Variants in FBXL7 observed in about 807,000 individuals in gnomAD.
The protein encoded by FBXL7 is F-box/LRR-repeat protein 7.
A neutral mutation model predicts 38.3 loss-of-function variants in FBXL7; 12 were observed. That is an observed-to-expected ratio of 0.31 (90% CI 0.20 to 0.51). The LOEUF is 0.51. Among genes scored for constraint, FBXL7 ranks in the 20% least tolerant of loss-of-function variants. The probability of loss-of-function intolerance (pLI) is 0.98; values close to 1 mark genes in which losing one functional copy is unlikely to be tolerated. For missense variants in FBXL7, 567 were observed against 676.4 expected, an observed-to-expected ratio of 0.84 and a Z score of 1.79; for synonymous variants, 297 against 300.9, an observed-to-expected ratio of 0.99 and a Z score of 0.13.
chr5:15,574,450 T>C (rs1219613273), intron 1 of FBXL7, among the ~76,000 whole-genome samples: 1 of 152,214 alleles, frequency 6.6e-6, no homozygotes, highest in Admixed American at 6.5e-5. Context: ...CTTCATTATT[T>C]TATGTAGAAA....
chr5:15,517,392 G>T (rs1254016073), intron 1 of FBXL7, among the ~76,000 whole-genome samples: 5 of 152,206 alleles, frequency 3.3e-5, no homozygotes, highest in Non-Finnish European at 5.9e-5. Context: ...TGGCCGTGGT[G>T]AGCTTTGGCT....
chr5:15,791,462 A>G (rs1737275002), intron 2 of FBXL7, among the ~76,000 whole-genome samples: 1 of 152,218 alleles, frequency 6.6e-6, no homozygotes, highest in South Asian at 2.1e-4. Context: ...GAAATATTAC[A>G]TATTTCATGC....
intron 2 of FBXL7, among the ~76,000 whole-genome samples, chr5:15,801,115 C>A (rs1737553651): frequency 6.6e-6 from 1 of 152,148 alleles, no homozygotes; most frequent in South Asian, 2.1e-4. Context: ...TTAGGCCTGC[C>A]TGTGTGATCA....
chr5:15,722,845 C>A (rs541761646), intron 2 of FBXL7, among the ~76,000 whole-genome samples: 1 of 151,568 alleles, frequency 6.6e-6, no homozygotes, highest in East Asian at 1.9e-4. Context: ...ATCACTTGAA[C>A]CCGGGAAGCG....
chr5:15,649,717 A>G (rs1741644759), intron 2 of FBXL7, among the ~76,000 whole-genome samples: 1 of 148,134 alleles, frequency 6.8e-6, no homozygotes, highest in Non-Finnish European at 1.5e-5. Flanking sequence ...TTTGTACCTC[A>G]CTATGTCACC....
chr5:15,636,830 A>G (rs1167051277), intron 2 of FBXL7, among the ~76,000 whole-genome samples: 1 of 152,194 alleles, frequency 6.6e-6, no homozygotes, highest in Non-Finnish European at 1.5e-5. Context: ...TTCAGAAGTA[A>G]CAGATCTAAT....
chr5:15,937,890 C>G lies in FBXL7; in HGVS notation c.*704C>G, dbSNP rs763311523. 1 of 152,414 alleles carries G rather than the reference C, an allele frequency of 6.6e-6. No homozygotes were observed. The highest frequency in any genetic ancestry group is 2.4e-5 in the African/African-American group (1 of 41,446). 9.4% of individuals were successfully genotyped at this position (152,414 alleles called of 1,614,324 possible). A position where few individuals can be genotyped will look rare whatever the true frequency, so the allele number is the denominator to read the frequency against. On this transcript the variant is annotated 3_prime_UTR_variant, in exon 4 of 4. Coordinates refer to ENST00000504595, the MANE Select transcript of FBXL7 (RefSeq NM_012304.5). ...AGAGGCCACACAGCCCAAAGATTAG[C>G]TTCATGTCCATTATAGCATTGAGGG...
At chr5:15,660,413 A>C (rs897430097) in intron 2 of FBXL7, among the ~76,000 whole-genome samples, 2 of 152,186 alleles carry the variant, frequency 1.3e-5, no homozygotes, top group Non-Finnish European at 2.9e-5. Context: ...CTGGAGTGCA[A>C]TGGCGTGGTC....
intron 2 of FBXL7, among the ~76,000 whole-genome samples, chr5:15,925,180 A>G (rs1388830663): frequency 6.6e-6 from 1 of 152,222 alleles, no homozygotes; most frequent in African/African-American, 2.4e-5. Context: ...ATTGAATGGT[A>G]ATGCTAATAT....
In FBXL7 at chr5:15,819,786, G is replaced by C. The variant is rs184186326; in HGVS notation, c.128-108104G>C. 4.0e-4 allele frequency among the ~76,000 whole-genome samples: 61 copies of C among 152,260 alleles called. 1 individual carries two copies. The East Asian group carries it at 0.011, about 28-fold the overall frequency. ...GTGGCCACCAGCCCTGTACTTCACC[G>C]CACAAGCCCTGTCTGAGTTCTAATG... On this transcript the variant is annotated intron_variant, in intron 2 of 3. Transcript: ENST00000504595.
At position 15,899,994 on chromosome 5, in the gene FBXL7, T is replaced by C. The variant is rs57456523; in HGVS notation, c.128-27896T>C. On this transcript the variant is annotated intron_variant, in intron 2 of 3. Transcript: ENST00000504595. Reference sequence around the variant, plus strand: ...GATTAACTGGCCTTTGGAATATCTGTTGGGGAAGTCTACCTGGTAACCACA... The same window carrying C: ...GATTAACTGGCCTTTGGAATATCTGCTGGGGAAGTCTACCTGGTAACCACA... Among the ~76,000 whole-genome samples the C allele has an allele frequency of 6.9e-3, 1,052 of 152,264 alleles. 18 individuals are homozygous for C. The highest frequency in any genetic ancestry group is 0.024 in the African/African-American group (997 of 41,552).
At chr5:15,510,335 G>C (rs553979822) in intron 1 of FBXL7, among the ~76,000 whole-genome samples, 1 of 152,182 alleles carries the variant, frequency 6.6e-6, no homozygotes, top group Non-Finnish European at 1.5e-5. Flanking sequence ...TTTGTGGATT[G>C]GCCCTTTTGC....
chr5:15,657,666 T>C (rs1050733171), intron 2 of FBXL7, among the ~76,000 whole-genome samples: 1 of 152,060 alleles, frequency 6.6e-6, no homozygotes, highest in Admixed American at 6.6e-5. Context: ...AAACCAACAC[T>C]GTCTCTACTA....
At chr5:15,590,547 G>A (rs1739440964) in intron 1 of FBXL7, among the ~76,000 whole-genome samples, 3 of 152,016 alleles carry the variant, frequency 2.0e-5, no homozygotes, top group Admixed American at 2.0e-4. Context: ...TCTAGCCCTA[G>A]TAAATAATCT....
chr5:15,598,532 GAA>G (rs1052622171), intron 1 of FBXL7, among the ~76,000 whole-genome samples: 1 of 152,288 alleles, frequency 6.6e-6, no homozygotes, highest in South Asian at 2.1e-4. Context: ...AACTGAGAAA[GAA>G]GTCCAGTGGT....
At chr5:15,585,282 G>T (rs767159605) in intron 1 of FBXL7, among the ~76,000 whole-genome samples, 1 of 152,094 alleles carries the variant, frequency 6.6e-6, no homozygotes, top group Non-Finnish European at 1.5e-5. Context: ...GTAATGCATG[G>T]TTACTCATTG....
intron 2 of FBXL7, among the ~76,000 whole-genome samples, chr5:15,739,495 CT>C (rs200048993): frequency 1.9e-4 from 29 of 151,330 alleles, no homozygotes; most frequent in Admixed American, 1.3e-3. Context: ...AATTTTAGAA[CT>C]TTTTTTTATC....
At chr5:15,587,331 C>T (rs574269296) in intron 1 of FBXL7, among the ~76,000 whole-genome samples, 1 of 152,310 alleles carries the variant, frequency 6.6e-6, no homozygotes, top group East Asian at 1.9e-4. Flanking sequence ...CTTCTCATTC[C>T]TTAGGTCTCA....
intron 2 of FBXL7, among the ~76,000 whole-genome samples, chr5:15,919,774 A>G (rs986303528): frequency 1.3e-5 from 2 of 152,140 alleles, no homozygotes; most frequent in African/African-American, 4.8e-5. Flanking sequence ...CTGAAAACTG[A>G]CTTTTTTCTC....
Sources: allele counts gnomAD v4.1 joint callset (sites outside exome capture counted in the v4.1 genomes callset), GRCh38; gene constraint gnomAD v4.1.1; transcripts MANE v1.5; gene names NCBI Gene and HGNC (gene_info 2026-07-23, HGNC 2026-07-21).